CNTNAP2: variants seen among roughly 807,000 people sequenced by gnomAD.
The protein encoded by CNTNAP2 is contactin associated protein 2.
CNTNAP2 carries 98 observed loss-of-function variants against 155.2 expected under a neutral mutation model. The ratio of observed to expected loss-of-function variants is 0.63; its 90% CI spans 0.54 to 0.75. CNTNAP2 has a LOEUF of 0.75. CNTNAP2 is among the 30% of genes least tolerant of loss of function. The probability of loss-of-function intolerance (pLI) is 0.00; values close to 1 mark genes in which losing one functional copy is unlikely to be tolerated. For missense variants in CNTNAP2, 1,727 were observed against 1,688.1 expected (o/e 1.02, Z -0.40); for synonymous variants, 651 against 631.2 (o/e 1.03, Z -0.47).
At chr7:146,886,357 A>G (rs1428447302) in intron 3 of CNTNAP2, among the ~76,000 whole-genome samples, 4 of 151,702 alleles carry the variant, frequency 2.6e-5, no homozygotes, top group Non-Finnish European at 5.9e-5. Flanking sequence ...GCCCTCCTAC[A>G]TTCTTTTATT....
At chr7:148,194,177 T>G (rs1795239635) in intron 18 of CNTNAP2, among the ~76,000 whole-genome samples, 1 of 150,976 alleles carries the variant, frequency 6.6e-6, no homozygotes, top group East Asian at 2.0e-4. Flanking sequence ...ATATTTTTTT[T>G]TGTAGAGACG....
chr7:147,381,757 C>T (rs1257919294), intron 9 of CNTNAP2, among the ~76,000 whole-genome samples: 1 of 151,922 alleles, frequency 6.6e-6, no homozygotes, highest in Admixed American at 6.6e-5. Flanking sequence ...TCTCTTTACG[C>T]TTATTAAAAG....
chr7:147,339,773 G>T (rs2116857241), intron 9 of CNTNAP2, among the ~76,000 whole-genome samples: 1 of 152,108 alleles, frequency 6.6e-6, no homozygotes, highest in African/African-American at 2.4e-5. Flanking sequence ...TCAAACAGTA[G>T]GTCCAATGAA....
At chr7:146,956,155 C>G (rs1431468947) in intron 3 of CNTNAP2, among the ~76,000 whole-genome samples, 1 of 151,954 alleles carries the variant, frequency 6.6e-6, no homozygotes, top group African/African-American at 2.4e-5. Flanking sequence ...CTAACTTTCC[C>G]ATTTGTTTGT....
Position 147,396,163 on chromosome 7 carries a change from A to G in CNTNAP2, c.1670+383A>G, listed in dbSNP as rs1235448271. Among the ~76,000 whole-genome samples, 5 of 113,446 alleles carry G rather than the reference A, an allele frequency of 4.4e-5. No individual in the cohort carries two copies. In the Admixed American group the frequency reaches 5.1e-4, roughly 12 times the overall value. 74.4% of individuals were successfully genotyped at this position (113,446 alleles called of 152,430 possible). ...TATATATGATAAATATATATGAGATATATCATATATATATATAGCATATAT... is the reference window on the plus strand; with the variant it reads ...TATATATGATAAATATATATGAGATGTATCATATATATATATAGCATATAT... On this transcript the variant is annotated intron_variant, in intron 10 of 23. Transcript: ENST00000361727.
intron 12 of CNTNAP2, among the ~76,000 whole-genome samples, chr7:147,603,642 C>T (rs1801001858): frequency 6.6e-6 from 1 of 152,180 alleles, no homozygotes; most frequent in Non-Finnish European, 1.5e-5. Context: ...AATGGCCATA[C>T]TGCCCAAGCT....
chr7:147,578,939 A>G (rs1800448280), intron 12 of CNTNAP2, among the ~76,000 whole-genome samples: 1 of 152,096 alleles, frequency 6.6e-6, no homozygotes, highest in African/African-American at 2.4e-5. Flanking sequence ...CATCAATATT[A>G]TTTTAAAATA....
intron 20 of CNTNAP2, among the ~76,000 whole-genome samples, chr7:148,237,753 T>C (rs1796068644): frequency 6.6e-6 from 1 of 152,218 alleles, no homozygotes; most frequent in South Asian, 2.1e-4. Flanking sequence ...ATGAGAGTAA[T>C]TCAATTATGG....
intron 1 of CNTNAP2, among the ~76,000 whole-genome samples, chr7:146,354,863 A>G (rs1182560694): frequency 6.6e-6 from 1 of 152,210 alleles, no homozygotes; most frequent in East Asian, 1.9e-4. Context: ...AATGAAATTC[A>G]GTGGAGTAAG....
At chr7:146,470,869 A>G (rs1280157344) in intron 1 of CNTNAP2, among the ~76,000 whole-genome samples, 1 of 152,026 alleles carries the variant, frequency 6.6e-6, no homozygotes, top group Non-Finnish European at 1.5e-5. Flanking sequence ...TGCCAAGCCC[A>G]TATTTTATTT....
intron 1 of CNTNAP2, among the ~76,000 whole-genome samples, chr7:146,714,145 G>A (rs952604655): frequency 4.6e-5 from 7 of 152,060 alleles, no homozygotes; most frequent in African/African-American, 1.7e-4. Context: ...AGCCTTCCGT[G>A]ACGCATGATC....
intron 11 of CNTNAP2, among the ~76,000 whole-genome samples, chr7:147,531,319 C>T (rs1799427605): frequency 6.6e-6 from 1 of 152,248 alleles, no homozygotes; most frequent in African/African-American, 2.4e-5. Context: ...CCACATTTCC[C>T]TTCCTCACTG....
intron 14 of CNTNAP2, among the ~76,000 whole-genome samples, chr7:147,913,568 A>T (rs1443758160): frequency 1.3e-5 from 2 of 152,248 alleles, no homozygotes; most frequent in East Asian, 1.9e-4. Context: ...ATGGATATTT[A>T]AAAAGAATTT....
In CNTNAP2 at chr7:147,128,826, C is replaced by T. The variant is rs760416207; in HGVS notation, c.1073C>T (p.Pro358Leu). 61 of 1,613,736 alleles carry T rather than the reference C, an allele frequency of 3.8e-5. No homozygotes were observed. Among genetic ancestry groups the T allele is most frequent in the Non-Finnish European group, 5.2e-5 (61 of 1,179,872 alleles). Residue 358 changes from proline to leucine, a missense_variant, in exon 7 of 24, where the codon CCC (proline) becomes CTC (leucine). Physicochemically the swap from Pro to Leu is moderately conservative, Grantham distance 98 (BLOSUM62 -3). Coordinates refer to ENST00000361727, the MANE Select transcript of CNTNAP2 (RefSeq NM_014141.6). ...TDLARRKKLEPSNVGNLSFSC... is the reference protein window; with the variant it reads ...TDLARRKKLELSNVGNLSFSC... ...CTTGCCAGAAGGAAGAAATTAGAGC[C>T]CTCAAATGTGGTAAGGATTTTCACC...
chr7:146,893,325 G>A (rs1014473277), intron 3 of CNTNAP2, among the ~76,000 whole-genome samples: 3 of 151,694 alleles, frequency 2.0e-5, no homozygotes, highest in Non-Finnish European at 4.4e-5. Context: ...GTTATAAAAT[G>A]CAGTGATTAA....
At chr7:147,661,269 T>A (rs1187868307) in intron 13 of CNTNAP2, among the ~76,000 whole-genome samples, 2 of 152,112 alleles carry the variant, frequency 1.3e-5, no homozygotes, top group African/African-American at 4.8e-5. Flanking sequence ...TTTTTTGTAA[T>A]TCTTCTTTTC....
chr7:147,213,684 G>T (rs975657490), intron 8 of CNTNAP2, among the ~76,000 whole-genome samples: 1 of 152,082 alleles, frequency 6.6e-6, no homozygotes, highest in South Asian at 2.1e-4. Flanking sequence ...AGCTCACATG[G>T]TTATGGAGGC....
At chr7:147,935,675 A>G (rs1244663583) in intron 14 of CNTNAP2, among the ~76,000 whole-genome samples, 2 of 152,140 alleles carry the variant, frequency 1.3e-5, no homozygotes, top group East Asian at 3.8e-4. Flanking sequence ...ATATCTAGTA[A>G]ATTTTTTAAT....
Position 147,729,387 on chromosome 7 carries a change from C to T in CNTNAP2, c.2098+90081C>T, listed in dbSNP as rs1338306739. 4.8e-5 allele frequency among the ~76,000 whole-genome samples: 7 copies of T among 146,380 alleles called. No individual in the cohort carries two copies. In the East Asian group the frequency reaches 1.0e-3, roughly 21 times the overall value. ...CATATCTCTAACTTTAAGGGCCTCCCGCTCTAATAAGAAAACATGCACACA... is the reference window on the plus strand; with the variant it reads ...CATATCTCTAACTTTAAGGGCCTCCTGCTCTAATAAGAAAACATGCACACA... On this transcript the variant is annotated intron_variant, in intron 13 of 23. Transcript: ENST00000361727.
Sources: allele counts gnomAD v4.1 joint callset (sites outside exome capture counted in the v4.1 genomes callset), GRCh38; gene constraint gnomAD v4.1.1; transcripts MANE v1.5; gene names NCBI Gene and HGNC (gene_info 2026-07-23, HGNC 2026-07-21).